The following RARB variants were observed in gnomAD, a reference collection of about 807,000 sequenced individuals.
RARB encodes the protein HBV-activated protein.
A neutral mutation model predicts 51.9 loss-of-function variants in RARB; 17 were observed. The observed-to-expected ratio is 0.33, with a 90% CI of 0.22 to 0.49. RARB has a LOEUF of 0.49. Ranked by LOEUF, RARB falls within the 20% of genes least tolerant of loss-of-function variation. The pLI is 0.99. For synonymous variants in RARB, 215 were observed against 195.4 expected, an observed-to-expected ratio of 1.10 and a Z score of -0.84; for missense variants, 369 against 550.8, an observed-to-expected ratio of 0.67 and a Z score of 3.30.
intron 5 of RARB, among the ~76,000 whole-genome samples, chr3:25,394,319 T>A (rs750465590): frequency 3.3e-5 from 5 of 152,184 alleles, no homozygotes; most frequent in African/African-American, 4.8e-5. Flanking sequence ...TGACCTAATA[T>A]ATGGCCTATC....
At chr3:25,094,910 CT>C (rs1699267416) in intron 3 of RARB, among the ~76,000 whole-genome samples, 1 of 152,022 alleles carries the variant, frequency 6.6e-6, no homozygotes, top group Admixed American at 6.6e-5. Flanking sequence ...AACCATTTCA[CT>C]TTCGTTTGAT....
chr3:25,022,960 C>A (rs972548449), intron 2 of RARB, among the ~76,000 whole-genome samples: 2 of 152,172 alleles, frequency 1.3e-5, no homozygotes, highest in African/African-American at 2.4e-5. Flanking sequence ...AGAAGATCAT[C>A]ACCAGACCCT....
chr3:25,445,868 A>AC (rs1372421419), intron 1 of RARB, among the ~76,000 whole-genome samples: 1 of 152,236 alleles, frequency 6.6e-6, no homozygotes, highest in Non-Finnish European at 1.5e-5. Flanking sequence ...GGGACATGAA[A>AC]TATTAAGTGA....
intron 4 of RARB, among the ~76,000 whole-genome samples, chr3:25,151,580 G>T (rs1283817965): frequency 1.3e-5 from 2 of 152,160 alleles, no homozygotes; most frequent in African/African-American, 4.8e-5. Context: ...AATTGCTTAG[G>T]AGATTGGTAC....
chr3:24,916,860 C>T (rs1025098884), intron 2 of RARB, among the ~76,000 whole-genome samples: 6 of 150,538 alleles, frequency 4.0e-5, no homozygotes, highest in African/African-American at 1.5e-4. Context: ...AAGGATAATG[C>T]ATAAACAAAC....
intron 1 of RARB, among the ~76,000 whole-genome samples, chr3:25,431,914 TGG>T (rs1708225434): frequency 6.6e-6 from 1 of 152,014 alleles, no homozygotes; most frequent in Non-Finnish European, 1.5e-5. Flanking sequence ...AGATATAAAT[TGG>T]GGTCAAAGTG....
intron 2 of RARB, among the ~76,000 whole-genome samples, chr3:24,887,688 ACT>A (rs1290132018): frequency 6.6e-6 from 1 of 152,054 alleles, no homozygotes; most frequent in Non-Finnish European, 1.5e-5. Context: ...ATTATGGTTG[ACT>A]CTACACTGTG....
intron 2 of RARB, among the ~76,000 whole-genome samples, chr3:24,898,525 T>A (rs1018529252): frequency 2.0e-5 from 3 of 152,020 alleles, no homozygotes; most frequent in African/African-American, 7.2e-5. Context: ...ATTATAGCAA[T>A]GTTTGAAAAA....
At chr3:25,179,793 C>T (rs1412525928) in intron 5 of RARB, among the ~76,000 whole-genome samples, 1 of 152,078 alleles carries the variant, frequency 6.6e-6, no homozygotes, top group Non-Finnish European at 1.5e-5. Flanking sequence ...TGCCTCTTTT[C>T]CCCCCAAAAA....
chr3:24,910,325 A>G (rs1377761134), intron 2 of RARB, among the ~76,000 whole-genome samples: 3 of 152,198 alleles, frequency 2.0e-5, no homozygotes, highest in Admixed American at 2.0e-4. Flanking sequence ...TTTCCCAGTT[A>G]GGTTCAGTCC....
intron 5 of RARB, among the ~76,000 whole-genome samples, chr3:25,190,613 T>C (rs2125363207): frequency 6.6e-6 from 1 of 152,198 alleles, no homozygotes; most frequent in African/African-American, 2.4e-5. Flanking sequence ...GCCAGGTGAT[T>C]CCTTGAGGTG....
intron 2 of RARB, among the ~76,000 whole-genome samples, chr3:24,877,979 T>A (rs761956122): frequency 3.9e-5 from 6 of 152,120 alleles, no homozygotes; most frequent in Non-Finnish European, 5.9e-5. Context: ...TAGACAATCA[T>A]CTCACCAACT....
intron 5 of RARB, among the ~76,000 whole-genome samples, chr3:25,187,516 A>G (rs1048051306): frequency 4.6e-5 from 7 of 152,148 alleles, no homozygotes; most frequent in African/African-American, 1.7e-4. Context: ...ACAAAGATAA[A>G]ATATGAATAT....
At chr3:25,484,998 T>G (rs192166290) in intron 2 of RARB, among the ~76,000 whole-genome samples, 1 of 152,340 alleles carries the variant, frequency 6.6e-6, no homozygotes, top group East Asian at 1.9e-4. Flanking sequence ...AGAAGTGATA[T>G]TATATTACTA....
chr3:25,196,513 T>C (rs1701241783), intron 5 of RARB, among the ~76,000 whole-genome samples: 1 of 152,170 alleles, frequency 6.6e-6, no homozygotes, highest in African/African-American at 2.4e-5. Context: ...CTATTGTGAA[T>C]AGTGCCGCAA....
chr3:25,052,151 G>C (rs1698345658), intron 2 of RARB, among the ~76,000 whole-genome samples: 1 of 152,160 alleles, frequency 6.6e-6, no homozygotes. Flanking sequence ...ACTTAAACTG[G>C]ACAGAGGAGG....
chr3:25,322,833 C>T (rs183643583), intron 5 of RARB, among the ~76,000 whole-genome samples: 2 of 152,310 alleles, frequency 1.3e-5, no homozygotes, highest in Non-Finnish European at 2.9e-5. Context: ...TTGGAAATCC[C>T]TGCTCTAAAT....
intron 3 of RARB, among the ~76,000 whole-genome samples, chr3:25,559,601 G>GT (rs1487914584): frequency 6.6e-6 from 1 of 152,202 alleles, no homozygotes; most frequent in East Asian, 1.9e-4. Flanking sequence ...CAAACAAAGT[G>GT]TAAGTGCTCA....
chr3:25,331,788 A>G (rs1305427399), intron 5 of RARB, among the ~76,000 whole-genome samples: 1 of 152,196 alleles, frequency 6.6e-6, no homozygotes, highest in Non-Finnish European at 1.5e-5. Flanking sequence ...CAGGACTAAT[A>G]AAGAAGAAAA....
Sources: gnomAD v4.1 joint callset for allele counts (sites outside exome capture counted in the v4.1 genomes callset) on GRCh38, gnomAD v4.1.1 for gene constraint, MANE v1.5 for transcripts, NCBI Gene and HGNC (gene_info 2026-07-23, HGNC 2026-07-21) for gene names.